Variants in NTRK2 observed in about 807,000 individuals in gnomAD.
NTRK2 encodes neurotrophic receptor tyrosine kinase 2, also known as BDNF/NT-3 growth factors receptor.
In NTRK2, 13 loss-of-function variants were observed where a neutral mutation model predicts 94.5. The observed-to-expected ratio is 0.14, with a 90% CI of 0.09 to 0.22. The LOEUF (loss-of-function observed/expected upper bound fraction) is 0.22, where lower values mean the gene tolerates loss of function less well. Among genes scored for constraint, NTRK2 ranks in the 10% least tolerant of loss-of-function variants. The probability of loss-of-function intolerance (pLI) is 1.00; values close to 1 mark genes in which losing one functional copy is unlikely to be tolerated. For missense variants in NTRK2, 639 were observed against 1,071.2 expected, an observed-to-expected ratio of 0.60 and a Z score of 5.63; for synonymous variants, 372 against 407.4, an observed-to-expected ratio of 0.91 and a Z score of 1.05.
chr9:84,882,677 T>G (rs1035013022), intron 14 of NTRK2, among the ~76,000 whole-genome samples: 9 of 151,830 alleles, frequency 5.9e-5, no homozygotes, highest in Non-Finnish European at 1.0e-4. Flanking sequence ...TGTTTTTCAC[T>G]GTGTCATCTC....
At chr9:84,913,720 C>G (rs2077311793) in intron 14 of NTRK2, among the ~76,000 whole-genome samples, 1 of 151,700 alleles carries the variant, frequency 6.6e-6, no homozygotes, top group African/African-American at 2.4e-5. Context: ...TTTTCTTTGT[C>G]TTTAGTTTTG....
At chr9:84,955,566 G>A (rs2132981809) in intron 17 of NTRK2, 49 bp downstream of exon 17, 1 of 1,448,992 alleles carries the variant, frequency 6.9e-7, no homozygotes, top group Non-Finnish European at 9.6e-7. Flanking sequence ...TTCCCTGCGG[G>A]ACCCCTGCTG....
rs534900971 is a variant in NTRK2, at chr9:84,720,887, TA to T, written c.584-2679del. 3.9e-5 allele frequency among the ~76,000 whole-genome samples: 6 copies of T among 152,172 alleles called. No homozygotes were observed. In the East Asian group the frequency reaches 7.7e-4, roughly 20 times the overall value. ...TAAAAGGGGGCTTTAAAGGTTAATCTAAAAAAACTCCTTGCAAATAGAGCAA... is the reference window on the plus strand; with the variant it reads ...TAAAAGGGGGCTTTAAAGGTTAATCTAAAAAACTCCTTGCAAATAGAGCAA... On this transcript the variant is annotated intron_variant, in intron 6 of 18. Coordinates refer to ENST00000277120, the MANE Select transcript of NTRK2 (RefSeq NM_006180.6).
Position 84,948,580 on chromosome 9 carries a change from C to T in NTRK2, c.1883C>T (p.Pro628Leu), listed in dbSNP as rs2132885483. Reference sequence around the variant, plus strand: ...TATGGCGTCTGCGTGGAGGGCGACCCCCTCATCATGGTCTTTGAGTACATG... The same window carrying T: ...TATGGCGTCTGCGTGGAGGGCGACCTCCTCATCATGGTCTTTGAGTACATG... ...KFYGVCVEGDPLIMVFEYMKH... is the reference protein window; with the variant it reads ...KFYGVCVEGDLLIMVFEYMKH... Residue 628 changes from proline (P) to leucine (L), a missense_variant, in exon 16 of 19, where the codon CCC becomes CTC. This residue lies in a region of NTRK2 where 343 missense variants were observed against 571.5 expected (regional missense o/e 0.60). Coordinates refer to ENST00000277120, the MANE Select transcript of NTRK2 (RefSeq NM_006180.6). 1 of 1,614,080 alleles carries T rather than the reference C, an allele frequency of 6.2e-7. No homozygotes were observed. The highest frequency in any genetic ancestry group is 8.5e-7 in the Non-Finnish European group (1 of 1,180,008).
intron 14 of NTRK2, among the ~76,000 whole-genome samples, chr9:84,929,796 A>C (rs1042681782): frequency 2.6e-5 from 4 of 152,148 alleles, no homozygotes; most frequent in Admixed American, 2.6e-4. Context: ...TCCTGACCTC[A>C]AGTGATCAGC....
intron 6 of NTRK2, among the ~76,000 whole-genome samples, chr9:84,718,764 T>C (rs1229276081): frequency 6.6e-6 from 1 of 152,226 alleles, no homozygotes; most frequent in Non-Finnish European, 1.5e-5. Context: ...GCCTGGCAAA[T>C]GGTTGATCCT....
chr9:84,801,572 C>T (rs1011705029), intron 12 of NTRK2, among the ~76,000 whole-genome samples: 10 of 152,166 alleles, frequency 6.6e-5, no homozygotes, highest in African/African-American at 2.4e-4. Flanking sequence ...GGGTAAACAA[C>T]TGAGACCCTA....
chr9:84,917,567 T>G (rs2077431795), intron 14 of NTRK2, among the ~76,000 whole-genome samples: 1 of 152,188 alleles, frequency 6.6e-6, no homozygotes, highest in Non-Finnish European at 1.5e-5. Context: ...CTGACTCAAG[T>G]GTTCTTGCCT....
intron 12 of NTRK2, among the ~76,000 whole-genome samples, chr9:84,853,327 G>C (rs1041097864): frequency 7.9e-5 from 12 of 152,138 alleles, no homozygotes; most frequent in Non-Finnish European, 8.8e-5. Context: ...AGGTCATGCC[G>C]TTCACTTCTG....
At chr9:84,814,373 G>A (rs200809632) in intron 12 of NTRK2, 27 of 1,065,770 alleles carry the variant, frequency 2.5e-5, no homozygotes, top group Middle Eastern at 8.3e-4. Context: ...GCGAGAGAGA[G>A]CATAATGGAG....
chr9:84,888,438 G>A (rs989530598), intron 14 of NTRK2, among the ~76,000 whole-genome samples: 31 of 151,170 alleles, frequency 2.1e-4, no homozygotes, highest in Middle Eastern at 3.4e-3. Context: ...GTGAAACCCC[G>A]TTTCTACTAA....
intron 12 of NTRK2, among the ~76,000 whole-genome samples, chr9:84,769,711 A>T (rs1025428950): frequency 2.0e-5 from 3 of 152,230 alleles, no homozygotes; most frequent in Admixed American, 2.0e-4. Flanking sequence ...TGTGCCCTCC[A>T]TTAGGGACCA....
Position 84,669,905 on chromosome 9 carries a change from G to A in NTRK2, c.-373+17G>A, listed in dbSNP as rs1451858731. ...GGAGCCCGGGTGAGCAGCGCAGATA[G>A]TGCCCTCGGTCGCCTCGGCCCTCAC... On this transcript the variant is annotated intron_variant, in intron 1 of 18. Coordinates refer to ENST00000277120, the MANE Select transcript of NTRK2 (RefSeq NM_006180.6). The surrounding 1 kb of genome is among the most constrained non-coding windows in gnomAD (Gnocchi z 4.1). 6.6e-6 allele frequency: 1 copy of A among 152,274 alleles called. No homozygotes were observed. Among genetic ancestry groups the A allele is most frequent in the Non-Finnish European group, 1.5e-5 (1 of 68,112 alleles). 9.4% of individuals were successfully genotyped at this position (152,274 alleles called of 1,614,324 possible).
At chr9:84,864,633 T>C (rs1235216804) in intron 13 of NTRK2, among the ~76,000 whole-genome samples, 2 of 152,114 alleles carry the variant, frequency 1.3e-5, no homozygotes, top group African/African-American at 4.8e-5. Flanking sequence ...TTTAGTAATC[T>C]TGCAGGAGGG....
Position 84,889,015 on chromosome 9 carries a change from G to T in NTRK2, c.1633+21584G>T, listed in dbSNP as rs1240989442. Among the ~76,000 whole-genome samples, 107 of 79,296 alleles carry T rather than the reference G, an allele frequency of 1.3e-3. 1 individual carries two copies. The highest frequency in any genetic ancestry group is 8.8e-3 in the Middle Eastern group (1 of 114). 52.0% of individuals were successfully genotyped at this position (79,296 alleles called of 152,430 possible). ...TTTTTTTTTTTTTTTTTTTGAGACG[G>T]AGTCTCGCTCTGTCACCCAGGCTGG... On this transcript the variant is annotated intron_variant, in intron 14 of 18. Coordinates refer to ENST00000277120, the MANE Select transcript of NTRK2 (RefSeq NM_006180.6).
intron 11 of NTRK2, among the ~76,000 whole-genome samples, chr9:84,750,084 A>G (rs999513034): frequency 6.6e-6 from 1 of 152,130 alleles, no homozygotes; most frequent in African/African-American, 2.4e-5. Context: ...CAGGTGGAGC[A>G]GGGTTCCTCA....
chr9:84,986,193 C>T (rs566935909), intron 17 of NTRK2, among the ~76,000 whole-genome samples: 5 of 152,228 alleles, frequency 3.3e-5, no homozygotes, highest in South Asian at 2.1e-4. Flanking sequence ...TCAACACTCC[C>T]GCTGCCCCCC....
intron 17 of NTRK2, among the ~76,000 whole-genome samples, chr9:84,995,648 A>C (rs1829666756): frequency 6.6e-6 from 1 of 152,196 alleles, no homozygotes; most frequent in Non-Finnish European, 1.5e-5. Flanking sequence ...ATTGGACATC[A>C]GAATGCCTAG....
chr9:84,836,773 G>C (rs1034732455), intron 12 of NTRK2, among the ~76,000 whole-genome samples: 1 of 149,404 alleles, frequency 6.7e-6, no homozygotes, highest in Non-Finnish European at 1.5e-5. Context: ...ATATTTCTGC[G>C]GTGGCACTGA....
Sources: allele counts gnomAD v4.1 joint callset (sites outside exome capture counted in the v4.1 genomes callset), GRCh38; gene constraint gnomAD v4.1.1; regional missense constraint gnomAD v4.1.1; non-coding constraint Gnocchi (gnomAD v3.1); transcripts MANE v1.5; gene names NCBI Gene and HGNC (gene_info 2026-07-23, HGNC 2026-07-21).